The following NELL1 variants were observed in gnomAD, a reference collection of about 807,000 sequenced individuals.
The protein encoded by NELL1 is protein kinase C-binding protein NELL1.
Under a neutral mutation model 107.4 loss-of-function variants are expected in NELL1, and 76 were observed. The observed-to-expected ratio is 0.71, with a 90% CI of 0.59 to 0.86. The LOEUF (loss-of-function observed/expected upper bound fraction) is 0.86. Among genes scored for constraint, NELL1 ranks in the 40% least tolerant of loss-of-function variants. NELL1 has a pLI of 0.00. For missense variants in NELL1, 1,024 were observed against 1,005.5 expected (o/e 1.02, Z -0.25); for synonymous variants, 353 against 341.2 (o/e 1.03, Z -0.38).
chr11:21,294,282 A>T (rs1849330464), intron 14 of NELL1, among the ~76,000 whole-genome samples: 1 of 152,028 alleles, frequency 6.6e-6, no homozygotes, highest in Non-Finnish European at 1.5e-5. Flanking sequence ...TTCTGTGCTT[A>T]TACCATCTCA....
intron 13 of NELL1, among the ~76,000 whole-genome samples, chr11:21,148,434 C>T (rs1268932196): frequency 6.6e-6 from 1 of 152,104 alleles, no homozygotes; most frequent in Non-Finnish European, 1.5e-5. Context: ...TCAGGAAAAG[C>T]ATGTGTTCCT....
intron 2 of NELL1, among the ~76,000 whole-genome samples, chr11:20,733,890 G>A (rs769931683): frequency 8.5e-5 from 13 of 152,242 alleles, no homozygotes; most frequent in African/African-American, 1.4e-4. Context: ...GCATTCTAGC[G>A]TAGACAGTCA....
intron 17 of NELL1, among the ~76,000 whole-genome samples, chr11:21,562,052 T>C (rs1856862564): frequency 1.3e-5 from 2 of 152,142 alleles, no homozygotes; most frequent in Non-Finnish European, 2.9e-5. Context: ...TCACATCCTT[T>C]TTGGGCTTTC....
At chr11:21,390,121 T>G (rs1043673711) in intron 15 of NELL1, among the ~76,000 whole-genome samples, 5 of 151,810 alleles carry the variant, frequency 3.3e-5, no homozygotes, top group African/African-American at 4.8e-5. Flanking sequence ...AATTACATTA[T>G]AGTTTTAACT....
intron 15 of NELL1, among the ~76,000 whole-genome samples, chr11:21,396,272 G>T (rs1005031718): frequency 5.9e-5 from 9 of 151,480 alleles, no homozygotes; most frequent in Non-Finnish European, 1.2e-4. Flanking sequence ...GCCAGCAACT[G>T]AATTCACCCA....
chr11:20,922,274 T>C (rs1032219591), intron 7 of NELL1, among the ~76,000 whole-genome samples: 4 of 152,176 alleles, frequency 2.6e-5, no homozygotes, highest in Non-Finnish European at 5.9e-5. Context: ...TGGTGCTCAC[T>C]TATTTCCTGG....
intron 12 of NELL1, among the ~76,000 whole-genome samples, chr11:21,011,673 G>A (rs1852450264): frequency 1.3e-5 from 2 of 152,202 alleles, no homozygotes; most frequent in East Asian, 1.9e-4. Context: ...TTCCATGAAC[G>A]GAGATCTTAG....
chr11:21,440,924 G>A (rs1030823106), intron 15 of NELL1, among the ~76,000 whole-genome samples: 1 of 152,066 alleles, frequency 6.6e-6, no homozygotes, highest in Non-Finnish European at 1.5e-5. Context: ...TTATATTAAA[G>A]ACTTTTACCT....
intron 12 of NELL1, among the ~76,000 whole-genome samples, chr11:21,068,566 C>T (rs960888909): frequency 6.6e-6 from 1 of 152,116 alleles, no homozygotes; most frequent in African/African-American, 2.4e-5. Context: ...TTCTCTTTGC[C>T]CTTCAACACA....
At chr11:21,283,311 C>CAAAAATTAAAAATAAATATTTTTTA (rs1432375430) in intron 14 of NELL1, among the ~76,000 whole-genome samples, 1 of 151,648 alleles carries the variant, frequency 6.6e-6, no homozygotes, top group African/African-American at 2.4e-5. Flanking sequence ...ATTGTACCCA[C>CAAAAATTAAAAATAAATATTTTTTA]AAAAATTAAA....
chr11:21,478,848 A>AAC (rs1191413821), intron 15 of NELL1, among the ~76,000 whole-genome samples: 1 of 151,656 alleles, frequency 6.6e-6, no homozygotes, highest in African/African-American at 2.4e-5. Flanking sequence ...TAAGAAAAAA[A>AAC]AAAACTGATA....
At chr11:21,000,745 G>A (rs993152116) in intron 12 of NELL1, 2 of 152,206 alleles carry the variant, frequency 1.3e-5, no homozygotes, top group African/African-American at 4.8e-5. Context: ...TATTCTTTAT[G>A]CAGCAGGATG....
chr11:20,721,197 A>ATATAT (rs1253237083), intron 2 of NELL1, among the ~76,000 whole-genome samples: 3 of 108,296 alleles, frequency 2.8e-5, no homozygotes, highest in African/African-American at 1.7e-4. Context: ...ATATATATAT[A>ATATAT]GTGTATATAT....
chr11:21,464,766 T>C (rs775071741), intron 15 of NELL1, among the ~76,000 whole-genome samples: 3 of 152,086 alleles, frequency 2.0e-5, no homozygotes, highest in Non-Finnish European at 2.9e-5. Flanking sequence ...ACTTGCAAAA[T>C]CTGAAATTCA....
chr11:21,412,978 T>C lies in NELL1; in HGVS notation c.1645+42030T>C, dbSNP rs370876931. Among the ~76,000 whole-genome samples, 13 of 152,210 alleles carry C rather than the reference T, an allele frequency of 8.5e-5. No individual in the cohort carries two copies. The East Asian group carries it at 2.3e-3, about 27-fold the overall frequency. The stretch of plus-strand genomic sequence containing the variant: ...CTGGGAAGTAATTCTGGCCCCTGAT[T>C]ATGGCACACTCTCTAGTCTCAACGA... On this transcript the variant is annotated intron_variant, in intron 15 of 19. Coordinates refer to ENST00000357134, the MANE Select transcript of NELL1 (RefSeq NM_006157.5).
At chr11:20,806,626 TC>T (rs966780560) in intron 3 of NELL1, among the ~76,000 whole-genome samples, 1 of 152,160 alleles carries the variant, frequency 6.6e-6, no homozygotes, top group African/African-American at 2.4e-5. Context: ...GTAAACTTTC[TC>T]CCCCTACCTT....
At chr11:20,921,616 T>G (rs1850377885) in intron 7 of NELL1, among the ~76,000 whole-genome samples, 1 of 152,040 alleles carries the variant, frequency 6.6e-6, no homozygotes, top group African/African-American at 2.4e-5. Flanking sequence ...ATGGAGATAT[T>G]ACCAAGAAAG....
chr11:21,491,922 T>C (rs1394401963), intron 15 of NELL1, among the ~76,000 whole-genome samples: 4 of 152,146 alleles, frequency 2.6e-5, no homozygotes, highest in African/African-American at 4.8e-5. Flanking sequence ...ACTTCCCTTG[T>C]AAGTTGGATT....
intron 14 of NELL1, among the ~76,000 whole-genome samples, chr11:21,272,465 C>G (rs959327362): frequency 6.6e-6 from 1 of 152,212 alleles, no homozygotes; most frequent in East Asian, 1.9e-4. Context: ...TCTGTAGACT[C>G]TACCTCTAGG....
Sources: gnomAD v4.1 joint callset for allele counts (sites outside exome capture counted in the v4.1 genomes callset) on GRCh38, gnomAD v4.1.1 for gene constraint, MANE v1.5 for transcripts, NCBI Gene and HGNC (gene_info 2026-07-23, HGNC 2026-07-21) for gene names.